CNBD1: variants seen among roughly 807,000 people sequenced by gnomAD.
The protein encoded by CNBD1 is cyclic nucleotide binding domain containing 1, also known as cyclic nucleotide-binding domain-containing protein 1.
Under a neutral mutation model 54.4 loss-of-function variants are expected in CNBD1, and 71 were observed. The observed-to-expected ratio is 1.30, with a 90% confidence interval of 1.08 to 1.59. The LOEUF is 1.59. CNBD1 is among the 40% of genes most tolerant of loss of function. The probability of loss-of-function intolerance (pLI) is 0.00; values close to 1 mark genes in which losing one functional copy is unlikely to be tolerated. For synonymous variants in CNBD1, 182 were observed against 170.7 expected (o/e 1.07, Z -0.51); for missense variants, 659 against 518.0 (o/e 1.27, Z -2.64).
chr8:87,417,017 C>T (rs748255985), intron 2 of CNBD1, among the ~76,000 whole-genome samples: 25 of 151,982 alleles, frequency 1.6e-4, no homozygotes, highest in Non-Finnish European at 3.2e-4. Context: ...TAATATGAAT[C>T]ATTGTAATAC....
chr8:87,376,442 T>A (rs1484073458), intron 10 of CNBD1, among the ~76,000 whole-genome samples: 1 of 151,952 alleles, frequency 6.6e-6, no homozygotes, highest in Admixed American at 6.6e-5. Flanking sequence ...CGTTAGGATT[T>A]CAACCTATGA....
intron 8 of CNBD1, among the ~76,000 whole-genome samples, chr8:87,321,948 C>G (rs1000895757): frequency 1.4e-5 from 2 of 146,106 alleles, no homozygotes; most frequent in African/African-American, 5.1e-5. Context: ...TGCTATGCCT[C>G]CCCGCTCCCC....
At position 86,939,702 on chromosome 8, in the gene CNBD1, C is replaced by A; in HGVS notation, c.379C>A (p.Pro127Thr). ...ACATGGTGGCCATATTTTATATAGACCAAAAAGAGCCACAGAGAAATTTGA... is the reference window on the plus strand; with the variant it reads ...ACATGGTGGCCATATTTTATATAGAACAAAAAGAGCCACAGAGAAATTTGA... ...RAHGGHILYR[P>T]KRATEKFEEF... The change falls in exon 4 of 11, where the codon CCA becomes ACA. Residue 127 changes from proline (P) to threonine (T), a missense_variant. Transcript: ENST00000518476. 1.3e-6 allele frequency: 2 copies of A among 1,591,546 alleles called. No individual in the cohort carries two copies. Among genetic ancestry groups the A allele is most frequent in the South Asian group, 1.1e-5 (1 of 87,660 alleles).
At chr8:87,390,518 A>T (rs1243028773) in intron 2 of CNBD1, among the ~76,000 whole-genome samples, 1 of 152,226 alleles carries the variant, frequency 6.6e-6, no homozygotes, top group Non-Finnish European at 1.5e-5. Flanking sequence ...CATCAGAAAA[A>T]TGCAAATCAA....
Position 87,382,611 on chromosome 8 carries a change from CT to C in CNBD1, c.1304-5del. 6.5e-7 allele frequency: 1 copy of C among 1,536,878 alleles called. No homozygotes were observed. The highest frequency in any genetic ancestry group is 8.8e-7 in the Non-Finnish European group (1 of 1,135,616). ...TGTAACTTCTTGTTTGTTTGTTTGCCTTTTGCAGTGGCCTAGATCTAGAAAC... is the reference window on the plus strand; with the variant it reads ...TGTAACTTCTTGTTTGTTTGTTTGCCTTTGCAGTGGCCTAGATCTAGAAAC... On this transcript the variant is annotated splice_region_variant and splice_polypyrimidine_tract_variant and intron_variant, in intron 10 of 10. Coordinates refer to ENST00000518476, the MANE Select transcript of CNBD1 (RefSeq NM_173538.3).
At chr8:87,321,039 A>T (rs1248882075) in intron 8 of CNBD1, among the ~76,000 whole-genome samples, 1 of 152,112 alleles carries the variant, frequency 6.6e-6, no homozygotes, top group Non-Finnish European at 1.5e-5. Context: ...TATGAGAGTA[A>T]TTCCTTCTTA....
At chr8:86,926,097 T>A (rs879367265) in intron 3 of CNBD1, among the ~76,000 whole-genome samples, 1 of 152,148 alleles carries the variant, frequency 6.6e-6, no homozygotes, top group Non-Finnish European at 1.5e-5. Context: ...AGAATCCTGC[T>A]GATTGGTGAG....
chr8:87,332,623 T>G (rs1475852344), intron 8 of CNBD1, among the ~76,000 whole-genome samples: 1 of 152,116 alleles, frequency 6.6e-6, no homozygotes, highest in Non-Finnish European at 1.5e-5. Context: ...GCAGCACTGT[T>G]TATTGTAGGG....
chr8:87,321,987 T>A lies in CNBD1; in HGVS notation c.1043-29698T>A, dbSNP rs1347349435. Among the ~76,000 whole-genome samples, 3 of 144,428 alleles carry A rather than the reference T, an allele frequency of 2.1e-5. No homozygotes were observed. In the Admixed American group the frequency reaches 2.1e-4, roughly 10 times the overall value. The allele number at this position is 144,428 out of a possible 152,430, so 94.8% of individuals were successfully genotyped here. ...CCCCACCACAGTCCCCAGAGTGTGA[T>A]ATTCCCCTTCATGTGTCCATGTGAT... On this transcript the variant is annotated intron_variant, in intron 8 of 10. Transcript: ENST00000518476.
intron 4 of CNBD1, among the ~76,000 whole-genome samples, chr8:87,203,763 C>T (rs963431339): frequency 6.6e-6 from 1 of 152,184 alleles, no homozygotes. Context: ...GGTCTGCTAA[C>T]ATAAAAACCA....
downstream of CNBD1, among the ~76,000 whole-genome samples, chr8:87,387,128 C>T (rs899019228): frequency 1.3e-5 from 2 of 152,170 alleles, no homozygotes; most frequent in African/African-American, 2.4e-5. Context: ...AAAGGAACAA[C>T]CGGTACCAGC....
chr8:87,398,799 A>T (rs1811451733), intron 2 of CNBD1, among the ~76,000 whole-genome samples: 1 of 152,014 alleles, frequency 6.6e-6, no homozygotes, highest in Non-Finnish European at 1.5e-5. Context: ...TGCCATTTTT[A>T]AAGTTTCTCC....
At chr8:86,946,562 C>G (rs1392370427) in intron 4 of CNBD1, among the ~76,000 whole-genome samples, 3 of 151,910 alleles carry the variant, frequency 2.0e-5, no homozygotes, top group Admixed American at 2.0e-4. Context: ...CTTATTTTTC[C>G]ATAGAAATGT....
intron 1 of CNBD1, among the ~76,000 whole-genome samples, chr8:86,876,509 C>T (rs1808523106): frequency 6.6e-6 from 1 of 151,490 alleles, no homozygotes. Flanking sequence ...TCCAAAGAAC[C>T]AGCTCTTGAT....
At chr8:87,147,866 C>T (rs1812522456) in intron 4 of CNBD1, among the ~76,000 whole-genome samples, 1 of 152,066 alleles carries the variant, frequency 6.6e-6, no homozygotes, top group African/African-American at 2.4e-5. Flanking sequence ...TACATTAATT[C>T]TGTTTCTAAC....
intron 4 of CNBD1, among the ~76,000 whole-genome samples, chr8:87,187,782 A>G (rs1342542338): frequency 2.0e-5 from 3 of 152,124 alleles, no homozygotes; most frequent in Non-Finnish European, 4.4e-5. Flanking sequence ...ATAATTCATT[A>G]TAATATCTCT....
chr8:86,961,932 C>T lies in CNBD1; in HGVS notation c.431+22178C>T, dbSNP rs117222457. On this transcript the variant is annotated intron_variant, in intron 4 of 10. Transcript: ENST00000518476. ...CAGTACTTGTAAGATTTTTCATGTGCCAATCTCCTATTTGCATTGCTAACC... is the reference window on the plus strand; with the variant it reads ...CAGTACTTGTAAGATTTTTCATGTGTCAATCTCCTATTTGCATTGCTAACC... Among the ~76,000 whole-genome samples, 951 of 151,686 alleles carry T rather than the reference C, an allele frequency of 6.3e-3. 2 individuals are homozygous for T. The highest frequency in any genetic ancestry group is 8.5e-3 in the Non-Finnish European group (580 of 68,004).
chr8:87,404,839 A>G (rs573365171), intron 2 of CNBD1, among the ~76,000 whole-genome samples: 312 of 23,162 alleles, frequency 0.013, 6 homozygotes, highest in Non-Finnish European at 0.014. Flanking sequence ...GCAGGCAACA[A>G]TGTTTTGCAA....
At chr8:86,998,162 G>A (rs1017340640) in intron 4 of CNBD1, among the ~76,000 whole-genome samples, 1 of 151,340 alleles carries the variant, frequency 6.6e-6, no homozygotes, top group Non-Finnish European at 1.5e-5. Context: ...GTCCCTTGCA[G>A]TCACAATGTT....
Sources: allele counts gnomAD v4.1 joint callset (sites outside exome capture counted in the v4.1 genomes callset), GRCh38; gene constraint gnomAD v4.1.1; transcripts MANE v1.5; gene names NCBI Gene and HGNC (gene_info 2026-07-23, HGNC 2026-07-21).